Variants in CSMD1 observed in about 807,000 individuals in gnomAD.
CSMD1 encodes the protein CUB and sushi domain-containing protein 1.
CSMD1 carries 213 observed loss-of-function variants against 417.5 expected under a neutral mutation model. That is an observed-to-expected ratio of 0.51 (90% CI 0.46 to 0.57). The LOEUF (loss-of-function observed/expected upper bound fraction) is 0.57. CSMD1 is among the 20% of genes least tolerant of loss of function. The probability of loss-of-function intolerance (pLI) is 0.00; values close to 1 mark genes in which losing one functional copy is unlikely to be tolerated. For missense variants in CSMD1, 6,923 were observed against 4,529.7 expected (o/e 1.53, Z -15.17); for synonymous variants, 2,862 against 1,736.8 (o/e 1.65, Z -16.11).
Position 4,249,099 on chromosome 8 carries a change from C to A in CSMD1, c.415+170854G>T, listed in dbSNP as rs146665027. Among the ~76,000 whole-genome samples the A allele has an allele frequency of 3.3e-5, 5 of 152,168 alleles. No homozygotes were observed. In the East Asian group the frequency reaches 9.6e-4, roughly 29 times the overall value. On this transcript the variant is annotated intron_variant, in intron 3 of 69. Coordinates refer to ENST00000635120, the MANE Select transcript of CSMD1 (RefSeq NM_033225.6). ...AGGCACTCATGATCACCACTACAGA[C>A]TTCTCAACCTTTCCCCAGTTACACC...
chr8:3,403,967 A>C (rs139294342), intron 15 of CSMD1, among the ~76,000 whole-genome samples: 1 of 152,202 alleles, frequency 6.6e-6, no homozygotes, highest in Admixed American at 6.5e-5. Context: ...CTATTTATCA[A>C]TATTTCACCC....
chr8:4,112,690 T>C (rs1439379182), intron 3 of CSMD1, among the ~76,000 whole-genome samples: 1 of 152,180 alleles, frequency 6.6e-6, no homozygotes, highest in Non-Finnish European at 1.5e-5. Flanking sequence ...TATATTTATA[T>C]ATGAGGGTTT....
intron 2 of CSMD1, among the ~76,000 whole-genome samples, chr8:4,446,183 G>T (rs1798777799): frequency 6.6e-6 from 1 of 152,168 alleles, no homozygotes; most frequent in Non-Finnish European, 1.5e-5. Context: ...ACGCATCAAA[G>T]AAACAAAAGA....
chr8:4,722,316 G>T (rs1195734974), intron 1 of CSMD1, among the ~76,000 whole-genome samples: 1 of 151,740 alleles, frequency 6.6e-6, no homozygotes, highest in African/African-American at 2.4e-5. Flanking sequence ...TTGTTTTGGT[G>T]AAGAAAATAT....
At chr8:3,323,013 T>C (rs539891482) in intron 23 of CSMD1, among the ~76,000 whole-genome samples, 5 of 152,352 alleles carry the variant, frequency 3.3e-5, no homozygotes, top group Non-Finnish European at 7.3e-5. Flanking sequence ...CTCACAGTCA[T>C]GGTTTATTCC....
intron 49 of CSMD1, among the ~76,000 whole-genome samples, chr8:3,059,795 G>C (rs1479990271): frequency 6.6e-6 from 1 of 152,096 alleles, no homozygotes; most frequent in East Asian, 1.9e-4. Context: ...CAGGGTGTGG[G>C]AGTCACAGGA....
At chr8:4,206,703 A>T (rs1800002318) in intron 3 of CSMD1, among the ~76,000 whole-genome samples, 2 of 152,172 alleles carry the variant, frequency 1.3e-5, no homozygotes, top group Non-Finnish European at 2.9e-5. Context: ...TATACCCTGT[A>T]ATGGGATGGC....
intron 1 of CSMD1, among the ~76,000 whole-genome samples, chr8:4,652,521 C>G (rs987822647): frequency 2.4e-4 from 37 of 152,118 alleles, no homozygotes; most frequent in African/African-American, 8.9e-4. Context: ...CATGTGGTGG[C>G]TGCACCTGTG....
intron 54 of CSMD1, among the ~76,000 whole-genome samples, chr8:2,990,972 C>G (rs1301302806): frequency 6.6e-6 from 1 of 152,180 alleles, no homozygotes; most frequent in Admixed American, 6.5e-5. Context: ...GATCTTTTCC[C>G]TTCAGTTGTA....
rs77744779 is a variant in CSMD1, at chr8:3,969,736, T to G, written c.818+28167A>C. ...ATTTTGACAATAAAATAACCATGTGTAGATGCCACAGAGGAATCATACATA... is the reference window on the plus strand; with the variant it reads ...ATTTTGACAATAAAATAACCATGTGGAGATGCCACAGAGGAATCATACATA... On this transcript the variant is annotated intron_variant, in intron 5 of 69. Transcript: ENST00000635120. Among the ~76,000 whole-genome samples, 1,398 of 152,324 alleles carry G rather than the reference T, an allele frequency of 9.2e-3. 79 individuals are homozygous for G. The highest frequency in any genetic ancestry group is 0.078 in the Admixed American group (1,200 of 15,290).
chr8:3,606,427 T>C lies in CSMD1; in HGVS notation c.1097+10283A>G, dbSNP rs147605502. 2.7e-3 allele frequency among the ~76,000 whole-genome samples: 416 copies of C among 152,278 alleles called. 3 individuals carry two copies. The highest frequency in any genetic ancestry group is 3.7e-3 in the Non-Finnish European group (249 of 68,036). On this transcript the variant is annotated intron_variant, in intron 8 of 69. Coordinates refer to ENST00000635120, the MANE Select transcript of CSMD1 (RefSeq NM_033225.6). ...TTGAACACAATGGTAAGTGTTCGTA[T>C]ATCTAAGTATACCTAAACATAGAAA...
intron 15 of CSMD1, among the ~76,000 whole-genome samples, chr8:3,403,303 TA>T (rs1812148786): frequency 6.6e-6 from 1 of 152,214 alleles, no homozygotes; most frequent in African/African-American, 2.4e-5. Context: ...ATTGCTATTT[TA>T]TTTTTTTCCC....
intron 11 of CSMD1, among the ~76,000 whole-genome samples, chr8:3,477,194 G>A (rs1817483105): frequency 6.6e-6 from 1 of 152,146 alleles, no homozygotes; most frequent in Non-Finnish European, 1.5e-5. Flanking sequence ...CTAATAAAAT[G>A]TAGCACCTGC....
At chr8:3,335,625 G>A (rs573978462) in intron 23 of CSMD1, among the ~76,000 whole-genome samples, 13 of 152,204 alleles carry the variant, frequency 8.5e-5, no homozygotes, top group African/African-American at 3.1e-4. Context: ...GCAATGAGTC[G>A]AGCTCGTGCC....
intron 5 of CSMD1, among the ~76,000 whole-genome samples, chr8:3,897,135 G>T (rs796192670): frequency 5.3e-5 from 8 of 152,304 alleles, no homozygotes; most frequent in African/African-American, 1.9e-4. Context: ...CAGAGACCCA[G>T]TGTTTTTAAA....
chr8:4,151,909 T>A (rs1796590044), intron 3 of CSMD1, among the ~76,000 whole-genome samples: 1 of 152,206 alleles, frequency 6.6e-6, no homozygotes, highest in South Asian at 2.1e-4. Flanking sequence ...GAAGTCCATT[T>A]GTCTATCAGC....
At chr8:3,934,374 C>G (rs1048098840) in intron 5 of CSMD1, among the ~76,000 whole-genome samples, 5 of 152,142 alleles carry the variant, frequency 3.3e-5, no homozygotes, top group Non-Finnish European at 5.9e-5. Flanking sequence ...TAGTCTTGCA[C>G]TGATTTTTTC....
At chr8:3,985,505 G>A (rs1053206756) in intron 5 of CSMD1, among the ~76,000 whole-genome samples, 4 of 152,084 alleles carry the variant, frequency 2.6e-5, no homozygotes, top group South Asian at 2.1e-4. Context: ...CATCCCAAAT[G>A]TTTCAAGAGC....
intron 2 of CSMD1, among the ~76,000 whole-genome samples, chr8:4,617,796 T>C (rs1026368958): frequency 2.0e-5 from 3 of 152,116 alleles, no homozygotes; most frequent in Non-Finnish European, 2.9e-5. Context: ...CTTGCTCATA[T>C]GTTAAATTTT....
Sources: gnomAD v4.1 joint callset for allele counts (sites outside exome capture counted in the v4.1 genomes callset) on GRCh38, gnomAD v4.1.1 for gene constraint, MANE v1.5 for transcripts, NCBI Gene and HGNC (gene_info 2026-07-23, HGNC 2026-07-21) for gene names.